CTNNBL1: variants seen among roughly 807,000 people sequenced by gnomAD.
CTNNBL1 encodes catenin beta like 1.
CTNNBL1 carries 31 observed loss-of-function variants against 72.7 expected under a neutral mutation model. The observed-to-expected ratio is 0.43, with a 90% CI of 0.32 to 0.58. The LOEUF is 0.58. Among genes scored for constraint, CTNNBL1 ranks in the 20% least tolerant of loss-of-function variants. The probability of loss-of-function intolerance (pLI) is 0.08; values close to 1 mark genes in which losing one functional copy is unlikely to be tolerated. For missense variants in CTNNBL1, 534 were observed against 725.1 expected, an observed-to-expected ratio of 0.74 and a Z score of 3.03; for synonymous variants, 240 against 267.3, an observed-to-expected ratio of 0.90 and a Z score of 1.00.
rs116860850 is a variant in CTNNBL1, at chr20:37,708,013, G to A, written c.30+13861G>A. Among the ~76,000 whole-genome samples, 431 of 152,264 alleles carry A rather than the reference G, an allele frequency of 2.8e-3. 5 individuals carry two copies. The highest frequency in any genetic ancestry group is 0.017 in the East Asian group (89 of 5,190). On this transcript the variant is annotated intron_variant, in intron 1 of 15. Transcript: ENST00000361383. ...TTATTCATTAAGTTCGCTGTCTCAC[G>A]TGGGCGTGTTTGTAGTGCCTGAAAA... is the stretch of plus-strand genomic sequence containing the variant.
intron 10 of CTNNBL1, among the ~76,000 whole-genome samples, chr20:37,785,904 TAG>T (rs890423106): frequency 1.5e-4 from 23 of 152,298 alleles, no homozygotes; most frequent in Admixed American, 1.3e-3. Flanking sequence ...TCCAGGTATT[TAG>T]AGAGTCTTGG....
At chr20:37,793,301 G>A (rs2073742358) in intron 10 of CTNNBL1, among the ~76,000 whole-genome samples, 2 of 152,138 alleles carry the variant, frequency 1.3e-5, no homozygotes, top group African/African-American at 4.8e-5. Flanking sequence ...TATATTTTGA[G>A]TTCTTTTAGC....
intron 15 of CTNNBL1, 32 bp from the exon 16 acceptor site, chr20:37,871,893 A>T: frequency 6.3e-7 from 1 of 1,584,870 alleles, no homozygotes. Flanking sequence ...CATGCCTGGG[A>T]TCCACTCCTG....
chr20:37,730,995 T>C (rs2073123374), intron 1 of CTNNBL1, among the ~76,000 whole-genome samples: 2 of 152,164 alleles, frequency 1.3e-5, no homozygotes, highest in Admixed American at 6.5e-5. Context: ...AAAAAACTTT[T>C]ATTTTTAATT....
chr20:37,765,904 A>G (rs2122663037), intron 6 of CTNNBL1, among the ~76,000 whole-genome samples: 1 of 152,198 alleles, frequency 6.6e-6, no homozygotes, highest in African/African-American at 2.4e-5. Context: ...AAGTTGTTGA[A>G]CCGATATCCT....
chr20:37,859,853 C>T (rs1225440224), intron 13 of CTNNBL1, 46 bp from the exon 14 acceptor site: 1 of 1,601,924 alleles, frequency 6.2e-7, no homozygotes, highest in Admixed American at 1.7e-5. Flanking sequence ...TTCTTTCCTC[C>T]CATTCACTGT....
intron 10 of CTNNBL1, among the ~76,000 whole-genome samples, chr20:37,793,546 T>C (rs1208892807): frequency 6.6e-6 from 1 of 152,206 alleles, no homozygotes; most frequent in Non-Finnish European, 1.5e-5. Flanking sequence ...AATTTGGAGA[T>C]AGGGCCTTTA....
chr20:37,694,217 G>T, intron 1 of CTNNBL1, 65 bp downstream of exon 1: 1 of 1,446,740 alleles, frequency 6.9e-7, no homozygotes, highest in Non-Finnish European at 9.3e-7. Flanking sequence ...AGGAGCCAGA[G>T]CCCTTTCATC....
chr20:37,705,082 A>T (rs1479335252), intron 1 of CTNNBL1, among the ~76,000 whole-genome samples: 1 of 152,234 alleles, frequency 6.6e-6, no homozygotes, highest in East Asian at 1.9e-4. Context: ...ACTGTGGGAG[A>T]AAATACTTCA....
intron 10 of CTNNBL1, among the ~76,000 whole-genome samples, chr20:37,799,918 C>G (rs1429564204): frequency 6.6e-6 from 1 of 152,166 alleles, no homozygotes; most frequent in African/African-American, 2.4e-5. Context: ...GTGGAACAGT[C>G]CTAAGTAAAC....
intron 1 of CTNNBL1, among the ~76,000 whole-genome samples, chr20:37,718,074 C>T (rs1304750940): frequency 2.6e-5 from 4 of 152,218 alleles, no homozygotes; most frequent in Non-Finnish European, 5.9e-5. Flanking sequence ...CCTTTCTATT[C>T]CACAAAACCG....
chr20:37,788,623 C>T (rs748739214), intron 10 of CTNNBL1, among the ~76,000 whole-genome samples: 8 of 152,252 alleles, frequency 5.3e-5, no homozygotes, highest in Non-Finnish European at 7.3e-5. Context: ...TTGGCCTGTG[C>T]CCATGCTGGG....
chr20:37,737,750 T>C (rs2073183125), intron 3 of CTNNBL1, among the ~76,000 whole-genome samples: 1 of 152,218 alleles, frequency 6.6e-6, no homozygotes, highest in Admixed American at 6.5e-5. Flanking sequence ...ACAGGCTTCC[T>C]ATGTTTTCTC....
At chr20:37,793,669 A>G (rs2073745493) in intron 10 of CTNNBL1, among the ~76,000 whole-genome samples, 1 of 152,100 alleles carries the variant, frequency 6.6e-6, no homozygotes. Flanking sequence ...GTGAACTTCT[A>G]TTTCTCTCTC....
At chr20:37,809,926 T>TA (rs1568791028) in intron 11 of CTNNBL1, among the ~76,000 whole-genome samples, 2 of 152,192 alleles carry the variant, frequency 1.3e-5, no homozygotes, top group African/African-American at 2.4e-5. Context: ...TGCTGGTCAT[T>TA]AAGAGCATTA....
At chr20:37,828,813 A>C (rs540509763) in intron 11 of CTNNBL1, among the ~76,000 whole-genome samples, 8 of 152,352 alleles carry the variant, frequency 5.3e-5, no homozygotes, top group Admixed American at 6.5e-5. Context: ...ATTCAGCCGG[A>C]GTGGCTGAGC....
At chr20:37,825,393 G>A (rs911559673) in intron 11 of CTNNBL1, among the ~76,000 whole-genome samples, 1 of 152,014 alleles carries the variant, frequency 6.6e-6, no homozygotes, top group South Asian at 2.1e-4. Context: ...GAGAAACTGA[G>A]GCCGGGCGTG....
At chr20:37,786,609 A>G (rs1331678343) in intron 10 of CTNNBL1, among the ~76,000 whole-genome samples, 2 of 152,148 alleles carry the variant, frequency 1.3e-5, no homozygotes, top group East Asian at 3.8e-4. Context: ...ATTTGTATAT[A>G]TATGGTCTAC....
intron 1 of CTNNBL1, among the ~76,000 whole-genome samples, chr20:37,723,056 G>A (rs2073054367): frequency 6.6e-6 from 1 of 152,188 alleles, no homozygotes; most frequent in Non-Finnish European, 1.5e-5. Flanking sequence ...TAAAGAAACC[G>A]AATCAACATT....
Sources: allele counts gnomAD v4.1 joint callset (sites outside exome capture counted in the v4.1 genomes callset), GRCh38; gene constraint gnomAD v4.1.1; transcripts MANE v1.5; gene names NCBI Gene and HGNC (gene_info 2026-07-23, HGNC 2026-07-21).